The following MITF variants were observed in gnomAD, a reference collection of about 807,000 sequenced individuals.
The protein encoded by MITF is melanocyte inducing transcription factor.
A neutral mutation model predicts 60.5 loss-of-function variants in MITF; 17 were observed. The ratio of observed to expected loss-of-function variants is 0.28; its 90% CI spans 0.19 to 0.42. The LOEUF is 0.42. MITF is among the 10% of genes least tolerant of loss of function. The probability of loss-of-function intolerance (pLI) is 1.00; values close to 1 mark genes in which losing one functional copy is unlikely to be tolerated. For missense variants in MITF, 622 were observed against 683.5 expected, an observed-to-expected ratio of 0.91 and a Z score of 1.00; for synonymous variants, 260 against 248.5, an observed-to-expected ratio of 1.05 and a Z score of -0.43.
intron 1 of MITF, among the ~76,000 whole-genome samples, chr3:69,770,707 A>G (rs1334127235): frequency 6.6e-6 from 1 of 152,194 alleles, no homozygotes; most frequent in Non-Finnish European, 1.5e-5. Context: ...TGGAGCACGA[A>G]AGCAAGAAGC....
At chr3:69,784,477 G>C (rs1286323469) in intron 1 of MITF, among the ~76,000 whole-genome samples, 1 of 152,144 alleles carries the variant, frequency 6.6e-6, no homozygotes, top group African/African-American at 2.4e-5. Context: ...ATGACTCCCT[G>C]AGTTTTAGTG....
chr3:69,762,650 T>G (rs2062228788), intron 1 of MITF: 1 of 216,994 alleles, frequency 4.6e-6, no homozygotes, highest in Non-Finnish European at 9.3e-6. Flanking sequence ...ATGGAGCTGA[T>G]TTTATGAAGA....
Position 69,966,111 on chromosome 3 carries a change from A to C in MITF, c.*863A>C, listed in dbSNP as rs2107555858. ...TTTTGATAAGAAAACCGAACTGGGC[A>C]TATTTCTAATTGGCTTTACTATTTT... On this transcript the variant is annotated 3_prime_UTR_variant, in exon 10 of 10. Coordinates refer to ENST00000352241, the MANE Select transcript of MITF (RefSeq NM_001354604.2). The C allele has an allele frequency of 4.3e-6, 1 of 232,804 alleles. No individual in the cohort carries two copies. Among genetic ancestry groups the C allele is most frequent in the South Asian group, 1.8e-4 (1 of 5,520 alleles). The allele number at this position is 232,804 out of a possible 1,614,324, so 14.4% of individuals were successfully genotyped here.
intron 1 of MITF, among the ~76,000 whole-genome samples, chr3:69,858,335 T>C (rs1047399026): frequency 2.0e-5 from 3 of 152,108 alleles, no homozygotes; most frequent in African/African-American, 7.2e-5. Flanking sequence ...ATTTTTCTCA[T>C]TTTAAATCCT....
intron 2 of MITF, among the ~76,000 whole-genome samples, chr3:69,891,480 C>A (rs1372561485): frequency 6.6e-6 from 1 of 152,156 alleles, no homozygotes; most frequent in Non-Finnish European, 1.5e-5. Context: ...GTTAGAAATA[C>A]AGATTCCCTG....
chr3:69,857,092 A>G (rs2063931358), intron 1 of MITF, among the ~76,000 whole-genome samples: 1 of 152,094 alleles, frequency 6.6e-6, no homozygotes. Context: ...TGGTGAAAGA[A>G]TGAAGTAGTG....
chr3:69,842,755 G>A (rs1480075676), intron 1 of MITF, among the ~76,000 whole-genome samples: 2 of 134,922 alleles, frequency 1.5e-5, no homozygotes, highest in Non-Finnish European at 1.7e-5. Context: ...AACTGACTGA[G>A]ATGGATGAAA....
chr3:69,938,829 A>C (rs934860947), intron 3 of MITF: 1 of 1,403,352 alleles, frequency 7.1e-7, no homozygotes, highest in Non-Finnish European at 9.2e-7. Flanking sequence ...CAACTTTTCT[A>C]GAGTTGGATT....
intron 2 of MITF, among the ~76,000 whole-genome samples, chr3:69,909,616 G>A (rs145562054): frequency 1.2e-3 from 190 of 152,286 alleles, no homozygotes; most frequent in Non-Finnish European, 2.5e-3. Flanking sequence ...GGTGGTCTCA[G>A]ATGGAGATGA....
At chr3:69,776,948 A>G (rs184880081) in intron 1 of MITF, among the ~76,000 whole-genome samples, 1 of 152,354 alleles carries the variant, frequency 6.6e-6, no homozygotes, top group Admixed American at 6.5e-5. Flanking sequence ...GGAAATAAAA[A>G]GGATTAATAT....
intron 1 of MITF, among the ~76,000 whole-genome samples, chr3:69,796,193 C>G (rs1471025290): frequency 6.6e-6 from 1 of 152,154 alleles, no homozygotes; most frequent in Non-Finnish European, 1.5e-5. Flanking sequence ...GTTGGCCAGG[C>G]TGGTCTTGAA....
chr3:69,946,975 G>A (rs1430505406), intron 5 of MITF, among the ~76,000 whole-genome samples: 2 of 152,006 alleles, frequency 1.3e-5, no homozygotes, highest in African/African-American at 2.4e-5. Context: ...TCTCAGTCAT[G>A]TACATATCTC....
chr3:69,788,617 T>C (rs1252029638), intron 1 of MITF, among the ~76,000 whole-genome samples: 2 of 152,054 alleles, frequency 1.3e-5, no homozygotes, highest in Non-Finnish European at 2.9e-5. Flanking sequence ...TCACCAAAAA[T>C]TTGCATTTAC....
intron 6 of MITF, among the ~76,000 whole-genome samples, chr3:69,951,093 C>CTTT (rs527693480): frequency 9.6e-4 from 104 of 108,898 alleles, no homozygotes; most frequent in African/African-American, 1.2e-3. Context: ...AATTTGGCAG[C>CTTT]TTTTTTTTTT....
At chr3:69,757,570 G>A (rs986411668) in intron 1 of MITF, among the ~76,000 whole-genome samples, 3 of 152,128 alleles carry the variant, frequency 2.0e-5, no homozygotes, top group Non-Finnish European at 4.4e-5. Flanking sequence ...ATTTTAGTGA[G>A]AGTACAGGAT....
At chr3:69,891,761 C>A (rs996939669) in intron 2 of MITF, among the ~76,000 whole-genome samples, 1 of 152,148 alleles carries the variant, frequency 6.6e-6, no homozygotes, top group Admixed American at 6.6e-5. Context: ...TGGGCAAGCA[C>A]TTTGAGAAGA....
intron 2 of MITF, among the ~76,000 whole-genome samples, chr3:69,910,714 G>C (rs898936390): frequency 6.6e-6 from 1 of 152,290 alleles, no homozygotes; most frequent in African/African-American, 2.4e-5. Context: ...CATGGGCCCT[G>C]TAACCGCTTT....
rs1212692618 is a variant in MITF, at chr3:69,964,441, T to G, written c.1180-406T>G. On this transcript the variant is annotated intron_variant, in intron 9 of 9. Transcript: ENST00000352241. Reference sequence around the variant, plus strand: ...TTAGAACATACAGAGCTCATTAATTTAAAAGAACAAAAAACTTTTATTTTG... The same window carrying G: ...TTAGAACATACAGAGCTCATTAATTGAAAAGAACAAAAAACTTTTATTTTG... Among the ~76,000 whole-genome samples the G allele has an allele frequency of 1.7e-5, 2 of 117,718 alleles. 1 individual carries two copies. Among genetic ancestry groups the G allele is most frequent in the Non-Finnish European group, 3.6e-5 (2 of 55,380 alleles). 77.2% of individuals were successfully genotyped at this position (117,718 alleles called of 152,430 possible).
At position 69,949,171 on chromosome 3, in the gene MITF, A is replaced by G; in HGVS notation, c.880+3A>G. 1.3e-6 allele frequency: 2 copies of G among 1,595,600 alleles called. No homozygotes were observed. The highest frequency in any genetic ancestry group is 8.6e-7 in the Non-Finnish European group (1 of 1,163,160). On this transcript the variant is annotated splice_donor_region_variant and intron_variant, in intron 6 of 9. Coordinates refer to ENST00000352241, the MANE Select transcript of MITF (RefSeq NM_001354604.2). ...CAACATAAAAAGGGAGCTCACAGGT[A>G]AACACCTAGTAAATGTGCCTCTTAC...
Sources: allele counts gnomAD v4.1 joint callset (sites outside exome capture counted in the v4.1 genomes callset), GRCh38; gene constraint gnomAD v4.1.1; transcripts MANE v1.5; gene names NCBI Gene and HGNC (gene_info 2026-07-23, HGNC 2026-07-21).